The following NCKAP5 variants were observed in gnomAD, a reference collection of about 807,000 sequenced individuals.
NCKAP5 encodes nck-associated protein 5.
NCKAP5 carries 92 observed loss-of-function variants against 167.0 expected under a neutral mutation model. The ratio of observed to expected loss-of-function variants is 0.55; its 90% confidence interval spans 0.47 to 0.66. The LOEUF (loss-of-function observed/expected upper bound fraction) is 0.66, where lower values mean the gene tolerates loss of function less well. Ranked by LOEUF, NCKAP5 falls within the 30% of genes least tolerant of loss-of-function variation. NCKAP5 has a pLI of 0.00. For synonymous variants in NCKAP5, 891 were observed against 877.4 expected (o/e 1.02, Z -0.27); for missense variants, 2,378 against 2,315.0 (o/e 1.03, Z -0.56).
At chr2:132,845,066 T>C (rs1032629555) in intron 11 of NCKAP5, among the ~76,000 whole-genome samples, 2 of 152,144 alleles carry the variant, frequency 1.3e-5, no homozygotes, top group Non-Finnish European at 2.9e-5. Context: ...GGTAGTGAGG[T>C]GAGTGTCTTT....
chr2:133,360,968 G>A (rs1046378702), intron 3 of NCKAP5, among the ~76,000 whole-genome samples: 1 of 151,298 alleles, frequency 6.6e-6, no homozygotes, highest in African/African-American at 2.4e-5. Flanking sequence ...TAGCATATAG[G>A]GAAGACTCAC....
the NCKAP5 span, among the ~76,000 whole-genome samples, chr2:133,598,742 A>G: frequency 6.6e-6 from 1 of 152,226 alleles, no homozygotes; most frequent in Non-Finnish European, 1.5e-5. Context: ...AAAGGTAGGA[A>G]GCACTAATAT....
At chr2:132,981,998 C>T (rs1429610885) in intron 7 of NCKAP5, among the ~76,000 whole-genome samples, 1 of 152,170 alleles carries the variant, frequency 6.6e-6, no homozygotes, top group Non-Finnish European at 1.5e-5. Flanking sequence ...GTCTACATTT[C>T]TCACAGCTTC....
chr2:133,464,439 C>T (rs1288011766), intron 3 of NCKAP5, among the ~76,000 whole-genome samples: 2 of 4,074 alleles, frequency 4.9e-4, no homozygotes, highest in African/African-American at 2.4e-3. Context: ...ACCTGTAATC[C>T]CAGCCCTTTG....
intron 5 of NCKAP5, among the ~76,000 whole-genome samples, chr2:133,210,173 A>AATAAATAATATAAT (rs1553579633): frequency 1.4e-5 from 2 of 145,076 alleles, no homozygotes; most frequent in East Asian, 4.0e-4. Context: ...CTCAAAAATA[A>AATAAATAATATAAT]ATAATATAAT....
At chr2:133,250,603 T>TAAATTGAAA (rs1489967614) in intron 4 of NCKAP5, among the ~76,000 whole-genome samples, 1 of 152,280 alleles carries the variant, frequency 6.6e-6, no homozygotes, top group Non-Finnish European at 1.5e-5. Flanking sequence ...AAACAGGTTC[T>TAAATTGAAA]AAATTGAAAA....
At chr2:132,867,565 G>A (rs1690455913) in intron 10 of NCKAP5, among the ~76,000 whole-genome samples, 1 of 152,130 alleles carries the variant, frequency 6.6e-6, no homozygotes, top group African/African-American at 2.4e-5. Context: ...AAAGACAGCT[G>A]CTGTATGCCC....
At chr2:133,294,292 G>A (rs1283074481) in intron 4 of NCKAP5, among the ~76,000 whole-genome samples, 1 of 152,124 alleles carries the variant, frequency 6.6e-6, no homozygotes, top group Non-Finnish European at 1.5e-5. Context: ...TTAATACTCG[G>A]CGTCCCCTTA....
intron 11 of NCKAP5, among the ~76,000 whole-genome samples, chr2:132,837,049 G>A (rs992215783): frequency 2.2e-4 from 34 of 152,244 alleles, no homozygotes; most frequent in South Asian, 8.3e-4. Flanking sequence ...TTGGTTGGTC[G>A]TAGTAGGTTG....
At chr2:133,204,454 A>G (rs1210451682) in intron 5 of NCKAP5, among the ~76,000 whole-genome samples, 2 of 152,226 alleles carry the variant, frequency 1.3e-5, no homozygotes, top group Admixed American at 1.3e-4. Context: ...CACATCCGCC[A>G]AGTTCACACA....
intron 3 of NCKAP5, among the ~76,000 whole-genome samples, chr2:133,308,310 G>A (rs113126958): frequency 6.6e-6 from 1 of 151,624 alleles, no homozygotes; most frequent in African/African-American, 2.4e-5. Context: ...GGATGGTCTC[G>A]ATCTCCTGAC....
chr2:132,926,981 A>G (rs972534731), intron 8 of NCKAP5, among the ~76,000 whole-genome samples: 2 of 152,282 alleles, frequency 1.3e-5, no homozygotes, highest in Admixed American at 1.3e-4. Context: ...CCTAGGTTTT[A>G]TTCTAGTTAT....
chr2:132,897,483 G>A (rs1268691997), intron 8 of NCKAP5, among the ~76,000 whole-genome samples: 1 of 152,122 alleles, frequency 6.6e-6, no homozygotes, highest in East Asian at 1.9e-4. Context: ...ATATACATAC[G>A]AATCAGAGTT....
At chr2:133,543,092 G>C (rs1266125216) in intron 2 of NCKAP5, among the ~76,000 whole-genome samples, 1 of 152,152 alleles carries the variant, frequency 6.6e-6, no homozygotes, top group African/African-American at 2.4e-5. Flanking sequence ...GGAGGTATTT[G>C]GGTCAAAAGT....
intron 5 of NCKAP5, among the ~76,000 whole-genome samples, chr2:133,156,886 C>T (rs767127536): frequency 1.3e-5 from 2 of 152,148 alleles, no homozygotes; most frequent in Non-Finnish European, 2.9e-5. Flanking sequence ...CCTTCATAAG[C>T]TGGTCCCAAG....
At chr2:133,235,451 G>A (rs929194441) in intron 4 of NCKAP5, among the ~76,000 whole-genome samples, 1 of 152,094 alleles carries the variant, frequency 6.6e-6, no homozygotes, top group African/African-American at 2.4e-5. Context: ...AGTACAAAAA[G>A]GCAGGCTGGG....
chr2:132,826,835 T>C (rs1687155395), intron 11 of NCKAP5, among the ~76,000 whole-genome samples: 1 of 152,196 alleles, frequency 6.6e-6, no homozygotes, highest in Non-Finnish European at 1.5e-5. Context: ...TACATTTTCA[T>C]TAACAGACCA....
At chr2:133,308,469 C>T (rs1158347367) in intron 3 of NCKAP5, among the ~76,000 whole-genome samples, 1 of 151,898 alleles carries the variant, frequency 6.6e-6, no homozygotes, top group South Asian at 2.1e-4. Flanking sequence ...CTGGGGAAAG[C>T]AATTTGGTGA....
At chr2:133,249,143 TTGAA>T (rs1023339848) in intron 4 of NCKAP5, among the ~76,000 whole-genome samples, 11 of 151,996 alleles carry the variant, frequency 7.2e-5, no homozygotes, top group African/African-American at 2.7e-4. Context: ...ATCCAGAACT[TTGAA>T]TGAGTTACCT....
Sources: gnomAD v4.1 joint callset for allele counts (sites outside exome capture counted in the v4.1 genomes callset) on GRCh38, gnomAD v4.1.1 for gene constraint, MANE v1.5 for transcripts, NCBI Gene and HGNC (gene_info 2026-07-23, HGNC 2026-07-21) for gene names.